FPGS: variants seen among roughly 807,000 people sequenced by gnomAD.
FPGS encodes folylpolyglutamate synthase, mitochondrial.
FPGS carries 53 observed loss-of-function variants against 66.5 expected under a neutral mutation model. That is an observed-to-expected ratio of 0.80 (90% CI 0.64 to 1.00). FPGS has a LOEUF of 1.00. Among genes scored for constraint, FPGS ranks in the 50% least tolerant of loss-of-function variants. FPGS has a pLI of 0.00. For synonymous variants in FPGS, 348 were observed against 350.9 expected (o/e 0.99, Z 0.09); for missense variants, 702 against 807.7 (o/e 0.87, Z 1.59).
intron 14 of FPGS, among the ~76,000 whole-genome samples, chr9:127,812,698 T>TA (rs1830128359): frequency 7.9e-6 from 1 of 125,814 alleles, no homozygotes; most frequent in African/African-American, 2.5e-5. Context: ...TTTGTGTGTG[T>TA]GTGTTTTTTT....
At chr9:127,805,758 C>CT (rs1331119441) in intron 4 of FPGS, among the ~76,000 whole-genome samples, 3 of 152,170 alleles carry the variant, frequency 2.0e-5, no homozygotes, top group African/African-American at 4.8e-5. Flanking sequence ...TTAAGGTCTC[C>CT]TAGGCGGGCT....
intron 14 of FPGS, 42 bp from the exon 15 acceptor site, chr9:127,813,153 C>T: frequency 6.6e-7 from 1 of 1,525,140 alleles, no homozygotes; most frequent in Non-Finnish European, 8.8e-7. Flanking sequence ...GTCCCTTACT[C>T]CCTCTCCCCT....
rs574305956 is a variant in FPGS at position 127,813,725 on chromosome 9, C to T, written c.*121C>T. 3.7e-6 allele frequency: 5 copies of T among 1,344,538 alleles called. No homozygotes were observed. In the South Asian group the frequency reaches 8.3e-5, roughly 22 times the overall value. The allele number at this position is 1,344,538 out of a possible 1,614,324, so 83.3% of individuals were successfully genotyped here. On this transcript the variant is annotated 3_prime_UTR_variant, in exon 15 of 15. Coordinates refer to ENST00000373247, the MANE Select transcript of FPGS (RefSeq NM_004957.6). ...GTTCTGTCTAGACTGGCCTAGGGGC[C>T]AGGGCTTTGGGATGGGAGGCCGGGA...
Position 127,809,761 on chromosome 9 carries a change from C to T in FPGS, c.1138C>T (p.His380Tyr), listed in dbSNP as rs752741766. The stretch of plus-strand genomic sequence containing the variant: ...CCTCACCTGGTACCTGGACGGTGCG[C>T]ACACCGCCAGCAGCGCGCAGGCCTG... ...GPLTWYLDGA[H>Y]TASSAQACVR... Residue 380 changes from histidine (H) to tyrosine (Y), a missense_variant, in exon 12 of 15, where the codon CAC becomes TAC. By Grantham distance (83) the His-to-Tyr change is moderately conservative. Transcript: ENST00000373247. 1 of 1,579,236 alleles carries T rather than the reference C, an allele frequency of 6.3e-7. No individual in the cohort carries two copies. Among genetic ancestry groups the T allele is most frequent in the Non-Finnish European group, 8.5e-7 (1 of 1,172,566 alleles).
At chr9:127,809,236 A>G (rs566886862) in intron 11 of FPGS, among the ~76,000 whole-genome samples, 164 of 152,258 alleles carry the variant, frequency 1.1e-3, no homozygotes, top group Non-Finnish European at 1.9e-3. Flanking sequence ...TATCATCATC[A>G]TCAGACCCTG....
At chr9:127,809,212 GCTGTCA>G (rs540980176) in intron 11 of FPGS, among the ~76,000 whole-genome samples, 1,644 of 152,278 alleles carry the variant, frequency 0.011, 16 homozygotes, top group Non-Finnish European at 0.014. Flanking sequence ...AGTGGTAGCT[GCTGTCA>G]CTGTCACTAT....
intron 4 of FPGS, chr9:127,806,764 G>A (rs1235469970): frequency 5.1e-6 from 3 of 585,766 alleles, no homozygotes; most frequent in Non-Finnish European, 9.2e-6. Context: ...CCAACGTGGT[G>A]AATAGGGTGA....
At chr9:127,804,964 C>T (rs1350862111) in intron 4 of FPGS, 2 of 405,784 alleles carry the variant, frequency 4.9e-6, no homozygotes, top group Non-Finnish European at 9.0e-6. Flanking sequence ...TCTTGGCTCA[C>T]TGCAACCCCC....
At chr9:127,809,913 C>T (rs1257056030) in intron 12 of FPGS, 79 bp downstream of exon 12, 26 of 312,864 alleles carry the variant, frequency 8.3e-5, no homozygotes, top group Non-Finnish European at 1.4e-4. Flanking sequence ...GGGGCGGGGT[C>T]GTGGGGAAGG....
chr9:127,812,556 C>T (rs987842220), intron 14 of FPGS, among the ~76,000 whole-genome samples: 21 of 152,142 alleles, frequency 1.4e-4, no homozygotes, highest in African/African-American at 5.1e-4. Flanking sequence ...GGCTGGAGTG[C>T]AATGGCTTGA....
At chr9:127,814,231 G>A, downstream of FPGS, 1 of 861,492 alleles carries the variant, frequency 1.2e-6, no homozygotes, top group Non-Finnish European at 1.4e-6. Context: ...GAGATGAGAA[G>A]AAGACCAGAC....
intron 14 of FPGS, among the ~76,000 whole-genome samples, chr9:127,812,859 A>G (rs1332124983): frequency 6.6e-6 from 1 of 152,174 alleles, no homozygotes; most frequent in Non-Finnish European, 1.5e-5. Flanking sequence ...CATCCCCAGA[A>G]ATAACTATGC....
intron 14 of FPGS, 150 bp from the exon 15 acceptor site, chr9:127,813,045 C>T: frequency 8.5e-7 from 1 of 1,172,506 alleles, no homozygotes; most frequent in Non-Finnish European, 1.1e-6. Flanking sequence ...TCACTGTGTG[C>T]ATGGAGAAGG....
intron 14 of FPGS, among the ~76,000 whole-genome samples, chr9:127,812,700 TG>T (rs200343932): frequency 1.4e-5 from 1 of 73,556 alleles, no homozygotes; most frequent in African/African-American, 3.0e-5. Context: ...TGTGTGTGTG[TG>T]TTTTTTTCAG....
intron 3 of FPGS, 40 bp downstream of exon 3, chr9:127,804,592 G>A: frequency 6.2e-7 from 1 of 1,614,120 alleles, no homozygotes; most frequent in Non-Finnish European, 8.5e-7. Flanking sequence ...CTATTAAGTG[G>A]CTGGTGGAGT....
Position 127,802,945 on chromosome 9 carries a change from C to T in FPGS, c.21C>T (p.His7=), listed in dbSNP as rs528236662. Residue 7 remains histidine (H), a synonymous_variant, in exon 1 of 15, where the codon CAC becomes CAT. Transcript: ENST00000373247. ...GGACTATGTCGCGGGCGCGGAGCCA[C>T]CTGCGCGCCGCTCTATTCCTGGCAG... MSRARS[H]LRAALFLAAA... 24 of 1,403,594 alleles carry T rather than the reference C, an allele frequency of 1.7e-5. No individual in the cohort carries two copies. In the South Asian group the frequency reaches 2.4e-4, roughly 14 times the overall value. 86.9% of individuals were successfully genotyped at this position (1,403,594 alleles called of 1,614,324 possible). A position where few individuals can be genotyped will look rare whatever the true frequency, so the allele number is the denominator to read the frequency against.
intron 12 of FPGS, 21 bp downstream of exon 12, chr9:127,809,855 T>TGGGGCC: frequency 4.4e-6 from 3 of 686,192 alleles, no homozygotes; most frequent in Non-Finnish European, 6.4e-6. Flanking sequence ...GGGCTGGGGG[T>TGGGGCC]GGGGCCGGGG....
chr9:127,804,543 G>T lies in FPGS; in HGVS notation c.312G>T (p.Thr104=), dbSNP rs1400963786. 2.5e-6 allele frequency: 4 copies of T among 1,614,072 alleles called. No individual in the cohort carries two copies. The highest frequency in any genetic ancestry group is 1.3e-5 in the African/African-American group (1 of 74,934). ...TGAACATCATCCACGTCACTGGGAC[G>T]AAGGGGAAGGTGAGGGGCAGGACCC... ...DRLNIIHVTG[T]KGKGSTCAFT... The change falls in exon 3 of 15, where the codon ACG becomes ACT. Residue 104 remains threonine, a synonymous_variant. Coordinates refer to ENST00000373247, the MANE Select transcript of FPGS (RefSeq NM_004957.6).
Position 127,803,069 on chromosome 9 carries a change from G to GGCGGGCAA in FPGS, c.138+13_138+14insAAGCGGGC. 2 of 1,391,338 alleles carry GGCGGGCAA rather than the reference G, an allele frequency of 1.4e-6. No individual in the cohort carries two copies. Among genetic ancestry groups the GGCGGGCAA allele is most frequent in the East Asian group, 6.1e-5 (2 of 32,690 alleles). The allele number at this position is 1,391,338 out of a possible 1,614,324, so 86.2% of individuals were successfully genotyped here. ...GCCGAGCATGGAGTACCAGGTATCA[G>GGCGGGCAA]GCGGGCCAGCGGGCCAGCGGGCCTG... On this transcript the variant is annotated splice_region_variant and intron_variant, in intron 1 of 14. Coordinates refer to ENST00000373247, the MANE Select transcript of FPGS (RefSeq NM_004957.6).
Sources: allele counts gnomAD v4.1 joint callset (sites outside exome capture counted in the v4.1 genomes callset), GRCh38; gene constraint gnomAD v4.1.1; transcripts MANE v1.5; gene names NCBI Gene and HGNC (gene_info 2026-07-23, HGNC 2026-07-21).